Variants in PCDHGA10 observed in about 807,000 individuals in gnomAD.
PCDHGA10 encodes protocadherin gamma-A10.
In PCDHGA10, 42 loss-of-function variants were observed where a neutral mutation model predicts 59.5. The ratio of observed to expected loss-of-function variants is 0.71; its 90% CI spans 0.55 to 0.91. The LOEUF (loss-of-function observed/expected upper bound fraction) is 0.91. PCDHGA10 is among the 40% of genes least tolerant of loss of function. The pLI is 0.00. For synonymous variants in PCDHGA10, 511 were observed against 517.2 expected (o/e 0.99, Z 0.16); for missense variants, 1,111 against 1,198.2 (o/e 0.93, Z 1.07).
Position 141,477,685 on chromosome 5 carries a change from G to A in PCDHGA10, c.2437-17122G>A, listed in dbSNP as rs1218415502. ...ACAATGGCATAGTGTCATCCTTAGT[G>A]CCCCTAGACTATGAGGATCGGCGGG... On this transcript the variant is annotated intron_variant, in intron 1 of 3. Transcript: ENST00000398610. This position sits in a 1 kb window ranked among gnomAD's most constrained non-coding sequence, Gnocchi z 4.9. The A allele has an allele frequency of 6.2e-7, 1 of 1,614,116 alleles. No individual in the cohort carries two copies. The highest frequency in any genetic ancestry group is 8.5e-7 in the Non-Finnish European group (1 of 1,180,040).
intron 1 of PCDHGA10, among the ~76,000 whole-genome samples, chr5:141,488,697 A>T (rs1337725245): frequency 6.6e-6 from 1 of 152,162 alleles, no homozygotes; most frequent in Non-Finnish European, 1.5e-5. Context: ...GAAGGACAAG[A>T]TTTTGCTGGT....
At chr5:141,500,914 G>T (rs1237339394) in intron 2 of PCDHGA10, among the ~76,000 whole-genome samples, 2 of 151,130 alleles carry the variant, frequency 1.3e-5, no homozygotes, top group Non-Finnish European at 2.9e-5. Flanking sequence ...CTGTCTCCAG[G>T]CTGGGGTGCA....
chr5:141,418,862 G>C (rs749632113), intron 1 of PCDHGA10: 1 of 1,613,994 alleles, frequency 6.2e-7, no homozygotes, highest in Non-Finnish European at 8.5e-7. Context: ...TAAAGTAATT[G>C]TAGAAGTTGT....
At chr5:141,453,490 G>T (rs921556476) in intron 1 of PCDHGA10, among the ~76,000 whole-genome samples, 3 of 151,922 alleles carry the variant, frequency 2.0e-5, no homozygotes, top group African/African-American at 7.3e-5. Context: ...TTAAAAAAAG[G>T]TGTACTCAGA....
chr5:141,428,194 T>C (rs2097123409), intron 1 of PCDHGA10: 1 of 1,414,108 alleles, frequency 7.1e-7, no homozygotes, highest in Admixed American at 1.8e-5. Flanking sequence ...CGCCGCTCTC[T>C]GCGCCGCTAC....
Position 141,485,792 on chromosome 5 carries a change from G to T in PCDHGA10, c.2437-9015G>T, listed in dbSNP as rs114766079. 6.2e-6 allele frequency: 10 copies of T among 1,614,118 alleles called. No individual in the cohort carries two copies. In the Admixed American group the frequency reaches 1.3e-4, roughly 22 times the overall value. ...GCCTTTGGATCGAGAGAAGCAATCG[G>T]ACTACCGCCTGGTGCTGACTGCTGT... On this transcript the variant is annotated intron_variant, in intron 1 of 3. Transcript: ENST00000398610. This position sits in a 1 kb window ranked among gnomAD's most constrained non-coding sequence, Gnocchi z 5.7.
Position 141,418,242 on chromosome 5 carries a change from A to T in PCDHGA10, c.2436+2631A>T, listed in dbSNP as rs779996033. ...ATTGTGGTGATTGAGGATGTTAATG[A>T]CCACGCCCCTCAATTCCGGAAAGAT... On this transcript the variant is annotated intron_variant, in intron 1 of 3. Transcript: ENST00000398610. The T allele has an allele frequency of 3.7e-6, 6 of 1,613,896 alleles. No individual in the cohort carries two copies. The East Asian group carries it at 1.3e-4, about 36-fold the overall frequency.
At chr5:141,499,019 AGGAAGGAAGAAAAG>A (rs2099788655) in intron 2 of PCDHGA10, among the ~76,000 whole-genome samples, 1 of 150,840 alleles carries the variant, frequency 6.6e-6, no homozygotes, top group Non-Finnish European at 1.5e-5. Flanking sequence ...GAAGGAAGGA[AGGAAGGAAGAAAAG>A]AAAGAAAAAG....
intron 1 of PCDHGA10, among the ~76,000 whole-genome samples, chr5:141,451,985 A>G (rs1460304088): frequency 6.6e-6 from 1 of 152,202 alleles, no homozygotes; most frequent in Non-Finnish European, 1.5e-5. Context: ...TAGTTTGTTC[A>G]TTAGAAGCAA....
chr5:141,421,239 G>C, intron 1 of PCDHGA10: 1 of 1,599,000 alleles, frequency 6.3e-7, no homozygotes, highest in South Asian at 1.1e-5. Flanking sequence ...TGGCGAATCG[G>C]CTACAGCGCG....
chr5:141,477,749 C>A lies in PCDHGA10; in HGVS notation c.2437-17058C>A, dbSNP rs2099417192. The A allele has an allele frequency of 6.2e-7, 1 of 1,613,786 alleles. No homozygotes were observed. Among genetic ancestry groups the A allele is most frequent in the African/African-American group, 1.3e-5 (1 of 74,928 alleles). ...AGCTCATATCAGCGATGGGGGCACCCCGGTCCTAGCCACCAACATCAGCGT... is the reference window on the plus strand; with the variant it reads ...AGCTCATATCAGCGATGGGGGCACCACGGTCCTAGCCACCAACATCAGCGT... On this transcript the variant is annotated intron_variant, in intron 1 of 3. Coordinates refer to ENST00000398610, the MANE Select transcript of PCDHGA10 (RefSeq NM_018913.3). This position sits in a 1 kb window ranked among gnomAD's most constrained non-coding sequence, Gnocchi z 4.9.
At position 141,486,579 on chromosome 5, in the gene PCDHGA10, G is replaced by A. The variant is rs747583158; in HGVS notation, c.2437-8228G>A. On this transcript the variant is annotated intron_variant, in intron 1 of 3. Coordinates refer to ENST00000398610, the MANE Select transcript of PCDHGA10 (RefSeq NM_018913.3). The surrounding 1 kb of genome is among the most constrained non-coding windows in gnomAD (Gnocchi z 5.0). ...GAGGTGTTTGTTCCTGAGAACAATC[G>A]CCCAGGGGACCTGCTTTGCTCCCTT... is the stretch of plus-strand genomic sequence containing the variant. The A allele has an allele frequency of 5.1e-5, 82 of 1,613,426 alleles. No homozygotes were observed. Among genetic ancestry groups the A allele is most frequent in the South Asian group, 2.2e-4 (20 of 91,084 alleles).
intron 1 of PCDHGA10, chr5:141,428,173 CGGA>C (rs770477048): frequency 1.3e-6 from 2 of 1,514,730 alleles, no homozygotes. Context: ...CTGTGCGTGA[CGGA>C]GGACAGCCGC....
At chr5:141,428,320 T>G in intron 1 of PCDHGA10, 2 of 650,176 alleles carry the variant, frequency 3.1e-6, no homozygotes, top group Non-Finnish European at 5.5e-6. Context: ...GGCCTTGGCC[T>G]TGATTTCTAT....
At position 141,490,543 on chromosome 5, in the gene PCDHGA10, C is replaced by T; in HGVS notation, c.2437-4264C>T. 2 of 1,614,188 alleles carry T rather than the reference C, an allele frequency of 1.2e-6. No homozygotes were observed. Among genetic ancestry groups the T allele is most frequent in the Non-Finnish European group, 8.5e-7 (1 of 1,180,024 alleles). On this transcript the variant is annotated intron_variant, in intron 1 of 3. Transcript: ENST00000398610. The surrounding 1 kb of genome is among the most constrained non-coding windows in gnomAD (Gnocchi z 5.4). ...CAGCGATGCTGGTTCACCTTCCCTA[C>T]ACAAACATCTCACCATCAGGCTCAA...
Position 141,432,632 on chromosome 5 carries a change from G to T in PCDHGA10, c.2436+17021G>T. ...CTTCTCGGTGGGTCTGCACACGGGCGAGGTGCGCACGGCGCGAGCCCTGCT... is the reference window on the plus strand; with the variant it reads ...CTTCTCGGTGGGTCTGCACACGGGCTAGGTGCGCACGGCGCGAGCCCTGCT... On this transcript the variant is annotated intron_variant, in intron 1 of 3. Transcript: ENST00000398610. This position sits in a 1 kb window ranked among gnomAD's most constrained non-coding sequence, Gnocchi z 6.0. The T allele has an allele frequency of 6.2e-7, 1 of 1,612,834 alleles. No homozygotes were observed. Among genetic ancestry groups the T allele is most frequent in the South Asian group, 1.1e-5 (1 of 90,976 alleles).
chr5:141,420,963 A>T, intron 1 of PCDHGA10: 1 of 430,262 alleles, frequency 2.3e-6, no homozygotes, highest in Non-Finnish European at 4.1e-6. Flanking sequence ...TAGTCGTTGC[A>T]ATAATAAGAA....
intron 1 of PCDHGA10, among the ~76,000 whole-genome samples, chr5:141,461,100 T>C (rs926482549): frequency 1.1e-4 from 16 of 152,062 alleles, no homozygotes; most frequent in African/African-American, 3.6e-4. Context: ...TATAAACATA[T>C]GTGTCCAAGT....
In PCDHGA10 at chr5:141,489,094, G is replaced by T; in HGVS notation, c.2437-5713G>T. The T allele has an allele frequency of 1.5e-5, 6 of 395,994 alleles. No homozygotes were observed. The highest frequency in any genetic ancestry group is 4.1e-5 in the East Asian group (1 of 24,388). The allele number at this position is 395,994 out of a possible 1,614,324, so 24.5% of individuals were successfully genotyped here. ...CCCACCCCCGCCACTCGGTGACTAA[G>T]AACTGCTGCAAGCAGGCAAACCTCC... On this transcript the variant is annotated intron_variant, in intron 1 of 3. Coordinates refer to ENST00000398610, the MANE Select transcript of PCDHGA10 (RefSeq NM_018913.3). This position sits in a 1 kb window ranked among gnomAD's most constrained non-coding sequence, Gnocchi z 4.5.
Sources: gnomAD v4.1 joint callset for allele counts (sites outside exome capture counted in the v4.1 genomes callset) on GRCh38, gnomAD v4.1.1 for gene constraint, Gnocchi (gnomAD v3.1) non-coding constraint, MANE v1.5 for transcripts, NCBI Gene and HGNC (gene_info 2026-07-23, HGNC 2026-07-21) for gene names.